The following SACS variants were observed in gnomAD, a reference collection of about 807,000 sequenced individuals.
SACS encodes the protein sacsin.
SACS carries 197 observed loss-of-function variants against 348.0 expected under a neutral mutation model. The observed-to-expected ratio is 0.57, with a 90% CI of 0.50 to 0.64. The LOEUF is 0.64. Ranked by LOEUF, SACS falls within the 30% of genes least tolerant of loss-of-function variation. SACS has a pLI of 0.00. For missense variants in SACS, 4,999 were observed against 5,360.8 expected (o/e 0.93, Z 2.11); for synonymous variants, 1,985 against 1,910.6 (o/e 1.04, Z -1.02).
chr13:23,420,396 C>T (rs55873611), intron 1 of SACS, among the ~76,000 whole-genome samples: 2 of 151,648 alleles, frequency 1.3e-5, no homozygotes, highest in Non-Finnish European at 2.9e-5. Flanking sequence ...TAATGTCCAC[C>T]GGTGGCCCAA....
At chr13:23,398,171 A>G (rs1296044563) in intron 2 of SACS, among the ~76,000 whole-genome samples, 7 of 151,998 alleles carry the variant, frequency 4.6e-5, no homozygotes, top group Non-Finnish European at 8.8e-5. Flanking sequence ...AGCCTGGGCA[A>G]CAAGAGCGAA....
Position 23,330,823 on chromosome 13 carries a change from A to G in SACS, c.13053T>C (p.Val4351=). The change falls in exon 10 of 10, where the codon GTT becomes GTC. Residue 4351 remains valine, a synonymous_variant. Transcript: ENST00000382292. ...NPENHDIANE[V]FKHLQNEINR... ...TGATTTCATTCTGCAAATGTTTAAAAACTTCATTGGCAATGTCATGGTTCT... is the reference window on the plus strand; with the variant it reads ...TGATTTCATTCTGCAAATGTTTAAAGACTTCATTGGCAATGTCATGGTTCT... The G allele has an allele frequency of 6.2e-7, 1 of 1,614,064 alleles. No homozygotes were observed. The highest frequency in any genetic ancestry group is 8.5e-7 in the Non-Finnish European group (1 of 1,179,988).
intron 2 of SACS, among the ~76,000 whole-genome samples, chr13:23,383,530 T>TGCAG (rs1244391715): frequency 6.6e-6 from 1 of 152,196 alleles, no homozygotes; most frequent in African/African-American, 2.4e-5. Context: ...CCCAGAGCTC[T>TGCAG]GCAGGCCTGT....
intron 6 of SACS, among the ~76,000 whole-genome samples, chr13:23,359,243 T>C (rs1870586538): frequency 6.6e-6 from 1 of 152,142 alleles, no homozygotes; most frequent in Non-Finnish European, 1.5e-5. Flanking sequence ...CTATGTGAGA[T>C]GATATGTCAA....
intron 1 of SACS, among the ~76,000 whole-genome samples, chr13:23,413,338 C>T (rs1873571609): frequency 6.6e-6 from 1 of 152,202 alleles, no homozygotes; most frequent in South Asian, 2.1e-4. Flanking sequence ...TCTGCCCATT[C>T]ATTGTTCTAA....
chr13:23,414,386 G>A (rs1054649239), intron 1 of SACS, among the ~76,000 whole-genome samples: 1 of 151,826 alleles, frequency 6.6e-6, no homozygotes, highest in African/African-American at 2.4e-5. Context: ...AGAACTCAAG[G>A]GAAATCTGGA....
At chr13:23,414,847 ACTTACACTG>A (rs1873637517) in intron 1 of SACS, among the ~76,000 whole-genome samples, 1 of 152,090 alleles carries the variant, frequency 6.6e-6, no homozygotes, top group Non-Finnish European at 1.5e-5. Flanking sequence ...CTTCCTTCTG[ACTTACACTG>A]CTTGGCCAGT....
Position 23,332,430 on chromosome 13 carries a change from C to G in SACS, c.11446G>C (p.Glu3816Gln), listed in dbSNP as rs1156945414. The change falls in exon 10 of 10, where the codon GAA becomes CAA. Residue 3816 changes from glutamate (E) to glutamine (Q), a missense_variant. Transcript: ENST00000382292. ...TAAGGTTTAAAATCAGATTCATATT[C>G]TAGGTTTATGACTACCTCCTCAGGC... Reference protein sequence around the residue: ...LKPEEVVINLEYESDFKPYLY... With the variant: ...LKPEEVVINLQYESDFKPYLY... 6.2e-7 allele frequency: 1 copy of G among 1,613,950 alleles called. No individual in the cohort carries two copies. Among genetic ancestry groups the G allele is most frequent in the Admixed American group, 1.7e-5 (1 of 59,998 alleles).
At chr13:23,408,772 T>C (rs1449332343) in intron 2 of SACS, among the ~76,000 whole-genome samples, 2 of 152,016 alleles carry the variant, frequency 1.3e-5, no homozygotes, top group Non-Finnish European at 2.9e-5. Context: ...GAGACCATCC[T>C]GGCTAACACG....
chr13:23,365,248 C>G lies in SACS; in HGVS notation c.375G>C (p.Gly125=). Residue 125 remains glycine (G), a synonymous_variant, in exon 6 of 10, where the codon GGG becomes GGC. Transcript: ENST00000382292. ...CATATAAAAATTTAACTTCTGTCGC[C>G]CCAGCATCTTCTGCATTCTGAATTA... The part of the protein sequence containing the change: ...KELIQNAEDA[G]ATEVKFLYDE... The G allele has an allele frequency of 6.2e-7, 1 of 1,610,142 alleles. No homozygotes were observed. The highest frequency in any genetic ancestry group is 8.5e-7 in the Non-Finnish European group (1 of 1,178,432).
chr13:23,329,281 A>G lies in SACS; in HGVS notation c.*855T>C. The G allele has an allele frequency of 3.5e-6, 2 of 572,752 alleles. No homozygotes were observed. Among genetic ancestry groups the G allele is most frequent in the South Asian group, 4.8e-5 (2 of 41,606 alleles). The allele number at this position is 572,752 out of a possible 1,614,324, so 35.5% of individuals were successfully genotyped here. A position where few individuals can be genotyped will look rare whatever the true frequency, so the allele number is the denominator to read the frequency against. On this transcript the variant is annotated 3_prime_UTR_variant, in exon 10 of 10. Transcript: ENST00000382292. Reference sequence around the variant, plus strand: ...TTTTTTTTAACTGCAGCACCTTTAGACAACAAAAGATTGCATCCTGTTCAA... The same window carrying G: ...TTTTTTTTAACTGCAGCACCTTTAGGCAACAAAAGATTGCATCCTGTTCAA...
At chr13:23,429,219 ATAT>A (rs1276389106) in intron 1 of SACS, among the ~76,000 whole-genome samples, 3 of 152,096 alleles carry the variant, frequency 2.0e-5, no homozygotes, top group Non-Finnish European at 4.4e-5. Context: ...TTATCTAATA[ATAT>A]TGACTTTTTG....
At position 23,338,054 on chromosome 13, in the gene SACS, G is replaced by A; in HGVS notation, c.5822C>T (p.Thr1941Ile). Residue 1941 changes from threonine to isoleucine, a missense_variant, in exon 10 of 10, where the codon ACT becomes ATT. By Grantham distance (89) the Thr-to-Ile change is moderately conservative. Transcript: ENST00000382292. ...AGGATCGGGCCATACTGCATAGTAA[G>A]TATAATCCATTAGCTCCCCACTAGT... ...LATSGELMDYTYYAVWPDPDL... is the reference protein window; with the variant it reads ...LATSGELMDYIYYAVWPDPDL... 1.2e-6 allele frequency: 2 copies of A among 1,613,808 alleles called. No individual in the cohort carries two copies. Among genetic ancestry groups the A allele is most frequent in the Non-Finnish European group, 1.7e-6 (2 of 1,179,872 alleles).
chr13:23,411,697 TC>T lies in SACS; in HGVS notation c.-459del, dbSNP rs1873487212. On this transcript the variant is annotated 5_prime_UTR_variant, in exon 2 of 10. The change creates a premature stop within an existing upstream ORF in the 5' untranslated region. Coordinates refer to ENST00000382292, the MANE Select transcript of SACS (RefSeq NM_014363.6). The stretch of plus-strand genomic sequence containing the variant: ...AATATTCTTTGGTAGGAGCCTTTCT[TC>T]TGGCTCTGGTGACATGGGCATCTTG... The T allele has an allele frequency of 6.0e-6, 1 of 166,410 alleles. No homozygotes were observed. Among genetic ancestry groups the T allele is most frequent in the South Asian group, 1.7e-4 (1 of 5,754 alleles). The allele number at this position is 166,410 out of a possible 1,614,324, so 10.3% of individuals were successfully genotyped here.
intron 2 of SACS, among the ~76,000 whole-genome samples, chr13:23,394,828 C>T (rs768754109): frequency 8.5e-5 from 13 of 152,206 alleles, no homozygotes; most frequent in Non-Finnish European, 1.5e-4. Context: ...GCACTCCAGA[C>T]TGGGTGACAG....
At position 23,330,671 on chromosome 13, in the gene SACS, T is replaced by C; in HGVS notation, c.13205A>G (p.Asn4402Ser). The C allele has an allele frequency of 6.2e-7, 1 of 1,614,108 alleles. No homozygotes were observed. Among genetic ancestry groups the C allele is most frequent in the Non-Finnish European group, 8.5e-7 (1 of 1,179,988 alleles). Residue 4402 changes from asparagine to serine, a missense_variant, in exon 10 of 10, where the codon AAT becomes AGT. Asn to Ser is a conservative substitution (Grantham distance 46). Around this residue, in one of 6 missense-constraint regions of SACS, gnomAD observed 254 missense variants for 275.1 expected, o/e 0.92. Coordinates refer to ENST00000382292, the MANE Select transcript of SACS (RefSeq NM_014363.6). ...YSFQRFYTSW[N>S]QEATSHKSER... is the part of the protein sequence containing the mutation. ...AGATTTATGGCTCGTTGCTTCTTGA[T>C]TCCATGAAGTATAGAATCTCTGAAA...
intron 2 of SACS, among the ~76,000 whole-genome samples, chr13:23,404,944 T>C (rs1046774509): frequency 3.9e-5 from 6 of 152,192 alleles, no homozygotes; most frequent in Non-Finnish European, 7.4e-5. Flanking sequence ...TCCACGCTCA[T>C]GGATAGGAAG....
chr13:23,357,336 T>C (rs1054275866), intron 7 of SACS, among the ~76,000 whole-genome samples: 1 of 152,210 alleles, frequency 6.6e-6, no homozygotes, highest in Non-Finnish European at 1.5e-5. Context: ...CATATTTTAA[T>C]ATATAATTTA....
At chr13:23,429,954 T>A (rs979830530) in intron 1 of SACS, among the ~76,000 whole-genome samples, 1 of 151,782 alleles carries the variant, frequency 6.6e-6, no homozygotes, top group African/African-American at 2.4e-5. Flanking sequence ...ACGCCTGTAA[T>A]CCCAGCACTT....
Sources: allele counts gnomAD v4.1 joint callset (sites outside exome capture counted in the v4.1 genomes callset), GRCh38; gene constraint gnomAD v4.1.1; regional missense constraint gnomAD v4.1.1; transcripts MANE v1.5; gene names NCBI Gene and HGNC (gene_info 2026-07-23, HGNC 2026-07-21).